Variants in HEXD observed in about 807,000 individuals in gnomAD.
HEXD encodes N-acetyl-beta-galactosaminidase.
In HEXD, 47 loss-of-function variants were observed where a neutral mutation model predicts 54.2. That is an observed-to-expected ratio of 0.87 (90% CI 0.69 to 1.11). HEXD has a LOEUF of 1.11. Among genes scored for constraint, HEXD ranks in the 50% least tolerant of loss-of-function variants. The pLI is 0.00. For synonymous variants in HEXD, 293 were observed against 287.6 expected, an observed-to-expected ratio of 1.02 and a Z score of -0.19; for missense variants, 576 against 649.2, an observed-to-expected ratio of 0.89 and a Z score of 1.23.
chr17:82,424,965 G>A (rs1051391666), intron 3 of HEXD, among the ~76,000 whole-genome samples: 4 of 151,204 alleles, frequency 2.6e-5, no homozygotes, highest in Admixed American at 6.6e-5. Context: ...ACTACAGAAG[G>A]TTAGAGAAGG....
At position 82,435,723 on chromosome 17, in the gene HEXD, G is replaced by A. The variant is rs1265284649; in HGVS notation, c.482G>A (p.Arg161Gln). Reference protein sequence around the residue: ...YYLGEGEASRRWLQQEQNSTG... With the variant: ...YYLGEGEASRQWLQQEQNSTG... ...CTCGGAGAGGGGGAGGCCTCGCGCC[G>A]GTGGCTACAGCAAGAGCAGAACAGC... is the stretch of plus-strand genomic sequence containing the variant. The change falls in exon 6 of 13, where the codon CGG becomes CAG. Residue 161 changes from arginine to glutamine, a missense_variant. Arg to Gln is a conservative substitution (Grantham distance 43). Coordinates refer to ENST00000327949, the MANE Select transcript of HEXD (RefSeq NM_001330542.2). 46 of 1,612,620 alleles carry A rather than the reference G, an allele frequency of 2.9e-5. No individual in the cohort carries two copies. Among genetic ancestry groups the A allele is most frequent in the Non-Finnish European group, 3.6e-5 (42 of 1,179,684 alleles).
rs954657700 is a variant in HEXD, at chr17:82,418,435, C to T, written c.-357C>T. The T allele has an allele frequency of 2.7e-6, 4 of 1,478,834 alleles. No homozygotes were observed. The Admixed American group carries it at 9.0e-5, about 33-fold the overall frequency. The allele number at this position is 1,478,834 out of a possible 1,614,324, so 91.6% of individuals were successfully genotyped here. ...ACCTGCTCCGGTTCCGGCGCTCGGC[C>T]GCTCCGTTGCCCTCGGGCGCCTTGG... On this transcript the variant is annotated 5_prime_UTR_variant, in exon 1 of 13. Coordinates refer to ENST00000327949, the MANE Select transcript of HEXD (RefSeq NM_001330542.2).
chr17:82,438,286 C>T (rs550315192), intron 8 of HEXD, among the ~76,000 whole-genome samples: 1 of 151,982 alleles, frequency 6.6e-6, no homozygotes, highest in African/African-American at 2.4e-5. Flanking sequence ...CTGTCCTGGA[C>T]ATTTCAGTGT....
rs746166668 is a variant in HEXD, at chr17:82,424,381, G to T, written c.85-13G>T. The T allele has an allele frequency of 6.3e-7, 1 of 1,596,936 alleles. No homozygotes were observed. The highest frequency in any genetic ancestry group is 8.6e-7 in the Non-Finnish European group (1 of 1,164,454). On this transcript the variant is annotated splice_polypyrimidine_tract_variant and intron_variant, in intron 2 of 12. Coordinates refer to ENST00000327949, the MANE Select transcript of HEXD (RefSeq NM_001330542.2). ...AGCCACTTCTTCCTAACCCCTCCCT[G>T]TTTACCCCCCAGATTTTTCCTCTGT...
At chr17:82,422,413 C>T (rs1346215734) in intron 2 of HEXD, among the ~76,000 whole-genome samples, 3 of 151,916 alleles carry the variant, frequency 2.0e-5, no homozygotes, top group Admixed American at 1.3e-4. Context: ...ATGAGAATCA[C>T]CTGAACCTGG....
chr17:82,427,676 C>T (rs753219459), intron 3 of HEXD, among the ~76,000 whole-genome samples: 2 of 152,102 alleles, frequency 1.3e-5, no homozygotes, highest in Non-Finnish European at 2.9e-5. Flanking sequence ...AGGGTTCCTT[C>T]GAAGCTTGAA....
At chr17:82,431,880 T>G (rs1362432015) in intron 4 of HEXD, among the ~76,000 whole-genome samples, 1 of 152,234 alleles carries the variant, frequency 6.6e-6, no homozygotes, top group African/African-American at 2.4e-5. Flanking sequence ...GTTAATACAT[T>G]ATAGCAAAGC....
chr17:82,427,568 C>T lies in HEXD; in HGVS notation c.195-990C>T, dbSNP rs141282794. Among the ~76,000 whole-genome samples, 318 of 152,154 alleles carry T rather than the reference C, an allele frequency of 2.1e-3. 1 individual carries two copies. Among genetic ancestry groups the T allele is most frequent in the Middle Eastern group, 0.014 (4 of 294 alleles). The stretch of plus-strand genomic sequence containing the variant: ...TCAGGTGCGATGAGATGATCAAGTG[C>T]GATGACATGATCAGGGGTTTGCATT... On this transcript the variant is annotated intron_variant, in intron 3 of 12. Coordinates refer to ENST00000327949, the MANE Select transcript of HEXD (RefSeq NM_001330542.2).
At chr17:82,433,077 G>GAAAAAAAAAAAAAAA (rs71168108) in intron 4 of HEXD, among the ~76,000 whole-genome samples, 3 of 7,836 alleles carry the variant, frequency 3.8e-4, no homozygotes, top group African/African-American at 7.4e-4. Context: ...AAAAAAAAAA[G>GAAAAAAAAAAAAAAA]AAAAAAAAAA....
In HEXD at chr17:82,436,758, G is replaced by C. The variant is rs1463529339; in HGVS notation, c.703+20G>C. ...GCAAGGGTCAGTGCCAAGTTGTGGG[G>C]GGTGTGTTGTCCTGGCCATGTGCCT... On this transcript the variant is annotated intron_variant, in intron 7 of 12. Coordinates refer to ENST00000327949, the MANE Select transcript of HEXD (RefSeq NM_001330542.2). 1.2e-6 allele frequency: 2 copies of C among 1,606,192 alleles called. No individual in the cohort carries two copies. Among genetic ancestry groups the C allele is most frequent in the East Asian group, 4.5e-5 (2 of 44,628 alleles).
chr17:82,425,177 T>C (rs1289762551), intron 3 of HEXD, among the ~76,000 whole-genome samples: 148 of 132,940 alleles, frequency 1.1e-3, no homozygotes, highest in African/African-American at 3.6e-3. Flanking sequence ...TGGAGGAGGC[T>C]GGAGGAGGCC....
chr17:82,430,982 C>G (rs1045017250), intron 4 of HEXD, among the ~76,000 whole-genome samples: 1 of 152,020 alleles, frequency 6.6e-6, no homozygotes, highest in African/African-American at 2.4e-5. Context: ...TTTATTCTTT[C>G]TCCAGAACCC....
intron 7 of HEXD, 101 bp downstream of exon 7, chr17:82,436,839 C>T: frequency 2.6e-6 from 3 of 1,133,104 alleles, no homozygotes; most frequent in Non-Finnish European, 3.8e-6. Flanking sequence ...AGCCTGGAGC[C>T]TGCACGGGTA....
In HEXD at chr17:82,424,499, T is replaced by G. The variant is rs1302428970; in HGVS notation, c.190T>G (p.Tyr64Asp). 10 of 1,607,746 alleles carry G rather than the reference T, an allele frequency of 6.2e-6. No individual in the cohort carries two copies. Among genetic ancestry groups the G allele is most frequent in the Non-Finnish European group, 7.7e-6 (9 of 1,174,412 alleles). Residue 64 changes from tyrosine (Y) to aspartate (D), a missense_variant, in exon 3 of 13, where the codon TAC becomes GAC. Tyr to Asp is a radical substitution (Grantham distance 160). Coordinates refer to ENST00000327949, the MANE Select transcript of HEXD (RefSeq NM_001330542.2). ...PLRLLRAKYA[Y>D]SPSEIKEILH... is the part of the protein sequence containing the mutation. ...GAGGCTGCTGAGGGCCAAGTACGCC[T>G]ACAGGTAACACTGCCCGTGGCAGGT...
chr17:82,424,346 G>T, intron 2 of HEXD, 48 bp from the exon 3 acceptor site: 1 of 1,266,842 alleles, frequency 7.9e-7, no homozygotes, highest in Non-Finnish European at 1.2e-6. Flanking sequence ...TTGCCACATC[G>T]TGCTCCAGCA....
chr17:82,438,623 G>A lies in HEXD; in HGVS notation c.900-1008G>A, dbSNP rs575909523. On this transcript the variant is annotated intron_variant, in intron 8 of 12. Transcript: ENST00000327949. ...CTCGTCTCAAGTTAGAGGGTTGGGG[G>A]GCAGGTGGCGCAGGTGATGTGGGCT... is the stretch of plus-strand genomic sequence containing the variant. Among the ~76,000 whole-genome samples, 11 of 152,388 alleles carry A rather than the reference G, an allele frequency of 7.2e-5. 1 individual carries two copies. The South Asian group carries it at 2.3e-3, about 32-fold the overall frequency.
chr17:82,441,996 T>C, intron 12 of HEXD, 107 bp downstream of exon 12: 2 of 1,334,072 alleles, frequency 1.5e-6, no homozygotes, highest in Non-Finnish European at 2.1e-6. Context: ...CCCCTAGTTG[T>C]AAAAGGCCCT....
intron 4 of HEXD, among the ~76,000 whole-genome samples, chr17:82,432,228 C>T (rs978285668): frequency 1.3e-5 from 2 of 152,176 alleles, no homozygotes; most frequent in East Asian, 1.9e-4. Flanking sequence ...GGTCCCTGCA[C>T]GTGTGTGTGG....
chr17:82,435,661 G>A, intron 5 of HEXD, 28 bp from the exon 6 acceptor site: 1 of 1,589,962 alleles, frequency 6.3e-7, no homozygotes, highest in Non-Finnish European at 8.6e-7. Flanking sequence ...GGCTGCCAAG[G>A]CAACCCCGTC....
Sources: allele counts gnomAD v4.1 joint callset (sites outside exome capture counted in the v4.1 genomes callset), GRCh38; gene constraint gnomAD v4.1.1; transcripts MANE v1.5; gene names NCBI Gene and HGNC (gene_info 2026-07-23, HGNC 2026-07-21).